The following CTNND2 variants were observed in gnomAD, a reference collection of about 807,000 sequenced individuals.
The protein encoded by CTNND2 is catenin delta-2.
A neutral mutation model predicts 144.4 loss-of-function variants in CTNND2; 22 were observed. That is an observed-to-expected ratio of 0.15 (90% CI 0.11 to 0.22). The LOEUF (loss-of-function observed/expected upper bound fraction) is 0.22. Ranked by LOEUF, CTNND2 falls within the 10% of genes least tolerant of loss-of-function variation. The pLI is 1.00. For synonymous variants in CTNND2, 751 were observed against 695.6 expected (o/e 1.08, Z -1.25); for missense variants, 1,353 against 1,618.8 (o/e 0.84, Z 2.82).
Position 11,193,876 on chromosome 5 carries a change from G to T in CTNND2, c.1975+5572C>A, listed in dbSNP as rs140220506. ...CCTGAACTTCTATTAAATTAGCAAG[G>T]TCACTTGGCTGACCTTAAAGAAGGC... On this transcript the variant is annotated intron_variant, in intron 11 of 21. Coordinates refer to ENST00000304623, the MANE Select transcript of CTNND2 (RefSeq NM_001332.4). Among the ~76,000 whole-genome samples the T allele has an allele frequency of 6.3e-3, 965 of 152,262 alleles. 15 individuals are homozygous for T. The highest frequency in any genetic ancestry group is 5.5e-3 in the Non-Finnish European group (371 of 68,026).
intron 3 of CTNND2, among the ~76,000 whole-genome samples, chr5:11,439,738 CTATA>C (rs1291278488): frequency 7.8e-5 from 10 of 128,806 alleles, no homozygotes; most frequent in African/African-American, 2.7e-4. Context: ...TCTCTGCTAG[CTATA>C]TCTATCTATC....
intron 3 of CTNND2, among the ~76,000 whole-genome samples, chr5:11,459,452 A>T (rs950799595): frequency 1.3e-5 from 2 of 152,236 alleles, no homozygotes; most frequent in African/African-American, 2.4e-5. Flanking sequence ...TTGTCTTATT[A>T]AATACAATAT....
rs1758860310 is a variant in CTNND2 at position 11,384,679 on chromosome 5, G to A, written c.1163C>T (p.Pro388Leu). ...ELYATATLQR[P>L]GSLAAGSRAS... The stretch of plus-strand genomic sequence containing the variant: ...CGAGCCTTTACCTGCCAGGCTGCCC[G>A]GCCTCTGGAGGGTGGCCGTGGCATA... The change falls in exon 7 of 22, where the codon CCG (proline) becomes CTG (leucine). Residue 388 changes from proline (P) to leucine (L), a missense_variant. By Grantham distance (98) the Pro-to-Leu change is moderately conservative. Coordinates refer to ENST00000304623, the MANE Select transcript of CTNND2 (RefSeq NM_001332.4). This position sits in a 1 kb window ranked among gnomAD's most constrained non-coding sequence, Gnocchi z 5.2. 1 of 1,603,604 alleles carries A rather than the reference G, an allele frequency of 6.2e-7. No individual in the cohort carries two copies. The highest frequency in any genetic ancestry group is 1.3e-5 in the African/African-American group (1 of 74,720).
chr5:11,738,853 G>A (rs1787842495), intron 1 of CTNND2, among the ~76,000 whole-genome samples: 1 of 151,986 alleles, frequency 6.6e-6, no homozygotes, highest in African/African-American at 2.4e-5. Flanking sequence ...CTCTCTATAA[G>A]CCATGACCTC....
chr5:11,528,710 G>T (rs1350290998), intron 3 of CTNND2, among the ~76,000 whole-genome samples: 1 of 152,180 alleles, frequency 6.6e-6, no homozygotes, highest in Non-Finnish European at 1.5e-5. Flanking sequence ...GGCCGTGCTG[G>T]CCTTTCTGAG....
At chr5:11,669,113 C>G (rs564220295) in intron 2 of CTNND2, among the ~76,000 whole-genome samples, 1 of 152,286 alleles carries the variant, frequency 6.6e-6, no homozygotes, top group Non-Finnish European at 1.5e-5. Flanking sequence ...AGGGATGAAG[C>G]CGACTTGATC....
rs1046579868 is a variant in CTNND2 at position 11,079,263 on chromosome 5, C to A, written c.2788+3433G>T. Among the ~76,000 whole-genome samples, 4 of 121,670 alleles carry A rather than the reference C, an allele frequency of 3.3e-5. No individual in the cohort carries two copies. In the East Asian group the frequency reaches 1.7e-3, roughly 52 times the overall value. The allele number at this position is 121,670 out of a possible 152,430, so 79.8% of individuals were successfully genotyped here. On this transcript the variant is annotated intron_variant, in intron 16 of 21. Transcript: ENST00000304623. Reference sequence around the variant, plus strand: ...TAATTTCTCCCAGTTCCCAAGATCACCTGCACCCTTGCCACGGGGGTTGGT... The same window carrying A: ...TAATTTCTCCCAGTTCCCAAGATCAACTGCACCCTTGCCACGGGGGTTGGT...
At chr5:11,428,487 T>C (rs1438563493) in intron 3 of CTNND2, among the ~76,000 whole-genome samples, 1 of 152,178 alleles carries the variant, frequency 6.6e-6, no homozygotes, top group African/African-American at 2.4e-5. Flanking sequence ...GACTCCATAG[T>C]AGCTTTACCC....
At chr5:11,735,204 A>G (rs1451684396) in intron 1 of CTNND2, among the ~76,000 whole-genome samples, 1 of 152,244 alleles carries the variant, frequency 6.6e-6, no homozygotes, top group Non-Finnish European at 1.5e-5. Context: ...TTGCGTAATT[A>G]TGGTGGTGTG....
At chr5:11,524,449 C>T (rs1428301381) in intron 3 of CTNND2, among the ~76,000 whole-genome samples, 1 of 152,118 alleles carries the variant, frequency 6.6e-6, no homozygotes, top group Non-Finnish European at 1.5e-5. Flanking sequence ...TCTTTTGTGT[C>T]TAGAAGGACC....
intron 5 of CTNND2, 90 bp from the exon 6 acceptor site, chr5:11,397,293 C>T: frequency 9.3e-7 from 1 of 1,070,228 alleles, no homozygotes; most frequent in Non-Finnish European, 1.3e-6. Flanking sequence ...CTAGAATTAT[C>T]TCATGCACAT....
chr5:11,423,504 C>G (rs988614137), intron 3 of CTNND2, among the ~76,000 whole-genome samples: 1 of 152,070 alleles, frequency 6.6e-6, no homozygotes, highest in African/African-American at 2.4e-5. Flanking sequence ...CAGAATTATC[C>G]CTGTTGTCGG....
chr5:11,048,777 A>C (rs900356238), intron 16 of CTNND2, among the ~76,000 whole-genome samples: 1 of 152,206 alleles, frequency 6.6e-6, no homozygotes, highest in African/African-American at 2.4e-5. Flanking sequence ...AAAAGATTGG[A>C]AGGAATAGTT....
At chr5:11,036,002 G>A (rs941607434) in intron 16 of CTNND2, among the ~76,000 whole-genome samples, 18 of 152,244 alleles carry the variant, frequency 1.2e-4, no homozygotes, top group South Asian at 6.2e-4. Context: ...AGTTAGTGTT[G>A]GGTTTTCTCT....
intron 9 of CTNND2, among the ~76,000 whole-genome samples, chr5:11,297,216 A>G (rs1749116714): frequency 6.6e-6 from 1 of 152,224 alleles, no homozygotes; most frequent in Non-Finnish European, 1.5e-5. Flanking sequence ...GTTCATTGCT[A>G]TATTTTTAAA....
Position 10,973,903 on chromosome 5 carries a change from G to A in CTNND2, c.3418-190C>T, listed in dbSNP as rs61752747. Among the ~76,000 whole-genome samples, 2,711 of 152,276 alleles carry A rather than the reference G, an allele frequency of 0.018. 79 individuals carry two copies. The highest frequency in any genetic ancestry group is 0.061 in the African/African-American group (2,550 of 41,544). On this transcript the variant is annotated intron_variant, in intron 21 of 21. Coordinates refer to ENST00000304623, the MANE Select transcript of CTNND2 (RefSeq NM_001332.4). The surrounding 1 kb of genome is among the most constrained non-coding windows in gnomAD (Gnocchi z 5.6). ...TTTGAAAATTGGATCCTAGGTCCAC[G>A]TGCTATCATTCTACATAATCTTTAT...
chr5:11,761,715 ACT>A (rs1468533377), intron 1 of CTNND2, among the ~76,000 whole-genome samples: 4 of 151,698 alleles, frequency 2.6e-5, no homozygotes, highest in Non-Finnish European at 5.9e-5. Context: ...AATACAGGAA[ACT>A]CTGTTTTGGC....
chr5:11,152,165 G>A (rs969958017), intron 12 of CTNND2, among the ~76,000 whole-genome samples: 1 of 152,150 alleles, frequency 6.6e-6, no homozygotes, highest in East Asian at 1.9e-4. Flanking sequence ...ATTAATTAGG[G>A]AAAACATATC....
intron 3 of CTNND2, among the ~76,000 whole-genome samples, chr5:11,563,544 C>A (rs1014298064): frequency 6.6e-6 from 1 of 152,158 alleles, no homozygotes; most frequent in Non-Finnish European, 1.5e-5. Context: ...ATCCATCCTG[C>A]TTTGGTTAAT....
Sources: allele counts gnomAD v4.1 joint callset (sites outside exome capture counted in the v4.1 genomes callset), GRCh38; gene constraint gnomAD v4.1.1; non-coding constraint Gnocchi (gnomAD v3.1); transcripts MANE v1.5; gene names NCBI Gene and HGNC (gene_info 2026-07-23, HGNC 2026-07-21).